The following OPCML variants were observed in gnomAD, a reference collection of about 807,000 sequenced individuals.
The protein encoded by OPCML is opioid binding protein/cell adhesion molecule like, also known as opioid-binding protein/cell adhesion molecule.
In OPCML, 13 loss-of-function variants were observed where a neutral mutation model predicts 37.8. The ratio of observed to expected loss-of-function variants is 0.34; its 90% CI spans 0.22 to 0.55. The LOEUF is 0.55. Ranked by LOEUF, OPCML falls within the 20% of genes least tolerant of loss-of-function variation. OPCML has a pLI of 0.91. For synonymous variants in OPCML, 176 were observed against 168.8 expected, an observed-to-expected ratio of 1.04 and a Z score of -0.33; for missense variants, 341 against 435.6, an observed-to-expected ratio of 0.78 and a Z score of 1.93.
intron 1 of OPCML, among the ~76,000 whole-genome samples, chr11:133,505,774 A>G (rs952727945): frequency 2.6e-5 from 4 of 152,224 alleles, no homozygotes; most frequent in East Asian, 1.9e-4. Context: ...AATTATAACT[A>G]TCACCGCTTC....
intron 1 of OPCML, among the ~76,000 whole-genome samples, chr11:133,461,858 T>C (rs1249954478): frequency 2.0e-5 from 3 of 151,870 alleles, no homozygotes; most frequent in African/African-American, 7.2e-5. Context: ...GGTGTAGGTC[T>C]CACATTTCCT....
chr11:133,305,830 T>C (rs1366691376), intron 1 of OPCML, among the ~76,000 whole-genome samples: 1 of 152,206 alleles, frequency 6.6e-6, no homozygotes, highest in African/African-American at 2.4e-5. Context: ...CCAAGATCAA[T>C]GGCAACCTGA....
At chr11:132,777,181 A>T (rs535320007) in intron 2 of OPCML, among the ~76,000 whole-genome samples, 2 of 152,262 alleles carry the variant, frequency 1.3e-5, no homozygotes, top group South Asian at 4.1e-4. Flanking sequence ...CTCACCAGCA[A>T]CCATGATTAT....
chr11:132,423,974 A>G (rs2095968947), intron 7 of OPCML, among the ~76,000 whole-genome samples: 1 of 152,194 alleles, frequency 6.6e-6, no homozygotes, highest in African/African-American at 2.4e-5. Context: ...TAACAGCTGC[A>G]TGGACTTCTC....
chr11:133,483,350 G>GATAGATAATAGAT (rs1591549705), intron 1 of OPCML, among the ~76,000 whole-genome samples: 2 of 149,724 alleles, frequency 1.3e-5, no homozygotes, highest in East Asian at 2.0e-4. Context: ...AATAGATATA[G>GATAGATAATAGAT]ATAGATAGAT....
At chr11:132,998,323 A>G (rs7947903) in intron 1 of OPCML, among the ~76,000 whole-genome samples, 1 of 152,184 alleles carries the variant, frequency 6.6e-6, no homozygotes. Context: ...GTGTAAGTCT[A>G]TGAGGCAAAG....
intron 1 of OPCML, among the ~76,000 whole-genome samples, chr11:133,191,256 ACTAT>A (rs1938300874): frequency 6.6e-6 from 1 of 151,770 alleles, no homozygotes; most frequent in South Asian, 2.1e-4. Flanking sequence ...GTGCTTATTG[ACTAT>A]CTGTGTATTT....
In OPCML at chr11:133,532,331, G is replaced by C. The variant is rs368973459; in HGVS notation, c.-7C>G. On this transcript the variant is annotated 5_prime_UTR_variant, in exon 1 of 8. Coordinates refer to ENST00000524381, the MANE Select transcript of OPCML (RefSeq NM_001012393.5). The stretch of plus-strand genomic sequence containing the variant: ...AGTAGGCAGGATGGTACATCTCGAC[G>C]CTGCGGTGCTCTCAGCTGCCGGGCT... The C allele has an allele frequency of 3.1e-6, 5 of 1,612,732 alleles. No homozygotes were observed. The African/African-American group carries it at 6.7e-5, about 22-fold the overall frequency.
chr11:132,843,092 CTTT>C (rs56036372), intron 2 of OPCML, among the ~76,000 whole-genome samples: 1 of 123,332 alleles, frequency 8.1e-6, no homozygotes. Context: ...CTTTTTCTTT[CTTT>C]TTTTTTTTTT....
At chr11:133,072,917 G>A (rs964426310) in intron 1 of OPCML, among the ~76,000 whole-genome samples, 1 of 152,242 alleles carries the variant, frequency 6.6e-6, no homozygotes, top group African/African-American at 2.4e-5. Flanking sequence ...TGAGACAAGG[G>A]TTGGTGTGAA....
At chr11:133,123,190 C>A (rs1050568552) in intron 1 of OPCML, among the ~76,000 whole-genome samples, 2 of 152,124 alleles carry the variant, frequency 1.3e-5, no homozygotes, top group African/African-American at 4.8e-5. Context: ...TCCCTCAATT[C>A]CAGACACTTT....
At chr11:132,467,774 C>T (rs963730273) in intron 4 of OPCML, among the ~76,000 whole-genome samples, 1 of 152,166 alleles carries the variant, frequency 6.6e-6, no homozygotes, top group African/African-American at 2.4e-5. Flanking sequence ...GTGGAGATCA[C>T]AGCCTCTCAC....
At chr11:132,879,092 G>GA (rs1377648034) in intron 2 of OPCML, among the ~76,000 whole-genome samples, 1 of 152,168 alleles carries the variant, frequency 6.6e-6, no homozygotes, top group African/African-American at 2.4e-5. Flanking sequence ...TTGTATAAAT[G>GA]AAATTAACGT....
Position 132,573,765 on chromosome 11 carries a change from T to G in OPCML, c.380-44579A>C, listed in dbSNP as rs193044654. Among the ~76,000 whole-genome samples, 3 of 152,122 alleles carry G rather than the reference T, an allele frequency of 2.0e-5. No homozygotes were observed. In the East Asian group the frequency reaches 5.8e-4, roughly 29 times the overall value. Reference sequence around the variant, plus strand: ...GCCTCATAAAAACAGTTTAGAAGTGTTTCCTCGTTTTAATTTTTTAGAAGA... The same window carrying G: ...GCCTCATAAAAACAGTTTAGAAGTGGTTCCTCGTTTTAATTTTTTAGAAGA... On this transcript the variant is annotated intron_variant, in intron 3 of 7. Coordinates refer to ENST00000524381, the MANE Select transcript of OPCML (RefSeq NM_001012393.5).
intron 2 of OPCML, among the ~76,000 whole-genome samples, chr11:132,677,062 CAA>C (rs770329909): frequency 3.9e-5 from 6 of 152,050 alleles, no homozygotes; most frequent in Non-Finnish European, 8.8e-5. Flanking sequence ...TTGCAGGATA[CAA>C]AGTTAGTATA....
chr11:133,204,411 G>A (rs1317562641), intron 1 of OPCML, among the ~76,000 whole-genome samples: 5 of 152,128 alleles, frequency 3.3e-5, no homozygotes, highest in East Asian at 3.9e-4. Context: ...ACTGGATCAC[G>A]TGGCATCCAT....
chr11:132,811,506 G>C (rs1939339397), intron 2 of OPCML, among the ~76,000 whole-genome samples: 1 of 152,128 alleles, frequency 6.6e-6, no homozygotes, highest in Non-Finnish European at 1.5e-5. Context: ...CCGGGAAAGT[G>C]GCTGTTTTGG....
At chr11:133,246,054 CG>C (rs1424745896) in intron 1 of OPCML, among the ~76,000 whole-genome samples, 2 of 133,792 alleles carry the variant, frequency 1.5e-5, no homozygotes, top group African/African-American at 3.3e-5. Context: ...GTGCAGCAAC[CG>C]CCATGGCACA....
intron 3 of OPCML, among the ~76,000 whole-genome samples, chr11:132,602,494 T>C (rs1436959197): frequency 6.6e-6 from 1 of 152,172 alleles, no homozygotes; most frequent in East Asian, 1.9e-4. Context: ...AAAATTCTGT[T>C]TGCTTCTGAG....
Sources: gnomAD v4.1 joint callset for allele counts (sites outside exome capture counted in the v4.1 genomes callset) on GRCh38, gnomAD v4.1.1 for gene constraint, MANE v1.5 for transcripts, NCBI Gene and HGNC (gene_info 2026-07-23, HGNC 2026-07-21) for gene names.